Variants in FRY observed in about 807,000 individuals in gnomAD.
The protein encoded by FRY is FRY microtubule binding protein.
FRY carries 128 observed loss-of-function variants against 348.4 expected under a neutral mutation model. The ratio of observed to expected loss-of-function variants is 0.37; its 90% CI spans 0.32 to 0.43. The LOEUF is 0.43. Among genes scored for constraint, FRY ranks in the 20% least tolerant of loss-of-function variants. The pLI, the probability that FRY is intolerant of heterozygous loss-of-function variation, is 1.00. For synonymous variants in FRY, 1,370 were observed against 1,374.7 expected (o/e 1.00, Z 0.08); for missense variants, 2,736 against 3,695.2 (o/e 0.74, Z 6.73).
At chr13:32,193,089 A>C (rs191129500) in intron 28 of FRY, among the ~76,000 whole-genome samples, 40 of 151,262 alleles carry the variant, frequency 2.6e-4, no homozygotes, top group Admixed American at 5.3e-4. Context: ...ACCTCTAGGC[A>C]CCAGGCTTCT....
At chr13:32,081,768 G>A (rs975048378) in intron 2 of FRY, among the ~76,000 whole-genome samples, 1 of 152,168 alleles carries the variant, frequency 6.6e-6, no homozygotes, top group African/African-American at 2.4e-5. Context: ...TCAGAGGCTT[G>A]TCAGCTGATT....
At chr13:32,100,223 G>A (rs1447601810) in intron 2 of FRY, among the ~76,000 whole-genome samples, 1 of 151,828 alleles carries the variant, frequency 6.6e-6, no homozygotes, top group African/African-American at 2.4e-5. Context: ...TGGGATTACG[G>A]GCACACACCA....
At chr13:32,278,344 C>T in intron 57 of FRY, 121 bp from the exon 58 acceptor site, 1 of 706,394 alleles carries the variant, frequency 1.4e-6, no homozygotes, top group East Asian at 2.7e-5. Flanking sequence ...AAAGTCATTA[C>T]AGCACAATTT....
At chr13:32,225,239 A>G (rs980636704) in intron 38 of FRY, among the ~76,000 whole-genome samples, 5 of 152,238 alleles carry the variant, frequency 3.3e-5, no homozygotes, top group Non-Finnish European at 5.9e-5. Context: ...TATTTCTACC[A>G]TGTAAATACA....
At chr13:32,040,188 G>A (rs952566533) in intron 1 of FRY, among the ~76,000 whole-genome samples, 2 of 152,154 alleles carry the variant, frequency 1.3e-5, no homozygotes, top group African/African-American at 4.8e-5. Context: ...CCATTGGAAT[G>A]TTATGTTTAT....
At chr13:32,037,231 A>C (rs1872561405) in intron 1 of FRY, among the ~76,000 whole-genome samples, 2 of 152,176 alleles carry the variant, frequency 1.3e-5, no homozygotes, top group Admixed American at 6.5e-5. Flanking sequence ...TTATAGTAAT[A>C]AGGCACATTT....
intron 16 of FRY, 108 bp downstream of exon 16, chr13:32,157,513 A>G: frequency 2.0e-6 from 2 of 1,013,492 alleles, no homozygotes; most frequent in Non-Finnish European, 2.9e-6. Context: ...AGGGTTCTAA[A>G]AAGTAGTAAA....
Position 32,275,008 on chromosome 13 carries a change from T to G in FRY, c.8286+17T>G. 6.2e-7 allele frequency: 1 copy of G among 1,608,338 alleles called. No homozygotes were observed. Reference sequence around the variant, plus strand: ...GCCGAGACTGTGAGTATCCCAGTCCTGCTCTGACAGTGAAGGGCCTACGCA... The same window carrying G: ...GCCGAGACTGTGAGTATCCCAGTCCGGCTCTGACAGTGAAGGGCCTACGCA... On this transcript the variant is annotated intron_variant, in intron 56 of 60. Transcript: ENST00000542859.
In FRY at chr13:32,228,669, G is replaced by A. The variant is rs972540485; in HGVS notation, c.5405+15G>A. On this transcript the variant is annotated intron_variant, in intron 40 of 60. Transcript: ENST00000542859. ...CTCACGACCAGGTAATAAGGGGTTAGGAGTCCGCTGCTGTTTGCAGGTTGG... is the reference window on the plus strand; with the variant it reads ...CTCACGACCAGGTAATAAGGGGTTAAGAGTCCGCTGCTGTTTGCAGGTTGG... 1 of 1,610,634 alleles carries A rather than the reference G, an allele frequency of 6.2e-7. No individual in the cohort carries two copies. Among genetic ancestry groups the A allele is most frequent in the Non-Finnish European group, 8.5e-7 (1 of 1,176,750 alleles).
chr13:32,116,423 C>T (rs963981623), intron 3 of FRY, among the ~76,000 whole-genome samples: 9 of 152,100 alleles, frequency 5.9e-5, no homozygotes, highest in African/African-American at 2.2e-4. Context: ...TGGTTTGTCC[C>T]TTATCACGAT....
chr13:32,148,432 T>G (rs1191330357), intron 13 of FRY, among the ~76,000 whole-genome samples: 1 of 152,250 alleles, frequency 6.6e-6, no homozygotes, highest in African/African-American at 2.4e-5. Context: ...TGCCAAGAAC[T>G]GTTCTAAGTG....
chr13:32,070,137 A>G (rs188248469), intron 1 of FRY, among the ~76,000 whole-genome samples: 7 of 152,092 alleles, frequency 4.6e-5, no homozygotes, highest in Middle Eastern at 3.2e-3. Flanking sequence ...GGTTGGTTCC[A>G]AGTCTTTGCT....
chr13:32,255,427 G>C (rs1887281871), intron 51 of FRY, among the ~76,000 whole-genome samples: 1 of 152,204 alleles, frequency 6.6e-6, no homozygotes, highest in African/African-American at 2.4e-5. Context: ...ACCCGCCTAT[G>C]TCTAATTGAA....
At chr13:32,293,297 A>G (rs1045189373) in intron 59 of FRY, among the ~76,000 whole-genome samples, 2 of 152,262 alleles carry the variant, frequency 1.3e-5, no homozygotes, top group African/African-American at 4.8e-5. Context: ...TTAAAACTAC[A>G]AACAAAATTA....
rs763475019 is a variant in FRY, at chr13:32,117,300, C to T, written c.325-34C>T. On this transcript the variant is annotated intron_variant, in intron 3 of 60. Transcript: ENST00000542859. ...AGTTTCTCAGTAATTGGCAGTGCTA[C>T]CAGTGTTCTAATCACCTGCATTTTC... 5.0e-6 allele frequency: 8 copies of T among 1,608,992 alleles called. No individual in the cohort carries two copies. The Admixed American group carries it at 6.7e-5, about 13-fold the overall frequency.
chr13:32,132,648 C>G (rs549324574), intron 8 of FRY, among the ~76,000 whole-genome samples: 11 of 152,132 alleles, frequency 7.2e-5, no homozygotes, highest in Non-Finnish European at 1.6e-4. Context: ...AATAGCAAAA[C>G]CTAGAATTAC....
At chr13:32,176,661 A>G (rs964629204) in intron 20 of FRY, among the ~76,000 whole-genome samples, 1 of 152,182 alleles carries the variant, frequency 6.6e-6, no homozygotes, top group African/African-American at 2.4e-5. Context: ...TACGTATCCT[A>G]CTTGCCTACA....
At chr13:32,113,387 T>C (rs1305253871) in intron 3 of FRY, among the ~76,000 whole-genome samples, 1 of 152,238 alleles carries the variant, frequency 6.6e-6, no homozygotes, top group Non-Finnish European at 1.5e-5. Flanking sequence ...GTTTAACAAG[T>C]ATAATGAAAT....
intron 4 of FRY, among the ~76,000 whole-genome samples, chr13:32,120,777 TCAGCCTCC>T (rs1197739508): frequency 6.6e-6 from 1 of 152,236 alleles, no homozygotes; most frequent in Non-Finnish European, 1.5e-5. Flanking sequence ...TTCTCCTGCC[TCAGCCTCC>T]CAAGTAGCTG....
Sources: allele counts gnomAD v4.1 joint callset (sites outside exome capture counted in the v4.1 genomes callset), GRCh38; gene constraint gnomAD v4.1.1; transcripts MANE v1.5; gene names NCBI Gene and HGNC (gene_info 2026-07-23, HGNC 2026-07-21).